PRKCA: variants seen among roughly 807,000 people sequenced by gnomAD.
PRKCA encodes protein kinase C alpha, also known as protein kinase C alpha type.
PRKCA carries 27 observed loss-of-function variants against 87.0 expected under a neutral mutation model. That is an observed-to-expected ratio of 0.31 (90% CI 0.23 to 0.43). The LOEUF (loss-of-function observed/expected upper bound fraction) is 0.43, where lower values mean the gene tolerates loss of function less well. Ranked by LOEUF, PRKCA falls within the 20% of genes least tolerant of loss-of-function variation. The pLI is 1.00. For missense variants in PRKCA, 518 were observed against 852.3 expected (o/e 0.61, Z 4.88); for synonymous variants, 329 against 311.1 (o/e 1.06, Z -0.61).
Position 66,408,674 on chromosome 17 carries a change from TAAG to T in PRKCA, c.206-87525_206-87523del, listed in dbSNP as rs554873406. ...CATTTCATTTTACCTTCACCAGTAA[TAAG>T]AGCAGAAAAAGAGGTCAGCAACAAA... On this transcript the variant is annotated intron_variant, in intron 2 of 16. Transcript: ENST00000413366. Among the ~76,000 whole-genome samples, 16 of 152,274 alleles carry T rather than the reference TAAG, an allele frequency of 1.1e-4. No homozygotes were observed. In the South Asian group the frequency reaches 3.3e-3, roughly 32 times the overall value.
intron 8 of PRKCA, among the ~76,000 whole-genome samples, chr17:66,715,696 T>C: frequency 6.6e-6 from 1 of 152,236 alleles, no homozygotes; most frequent in East Asian, 1.9e-4. Context: ...TCCTGGCACT[T>C]ACGTGAGTGA....
chr17:66,542,544 G>A (rs1968019197), intron 3 of PRKCA, among the ~76,000 whole-genome samples: 2 of 152,026 alleles, frequency 1.3e-5, no homozygotes, highest in South Asian at 4.2e-4. Context: ...ATAAGACTTG[G>A]GTGAGGAGAC....
intron 3 of PRKCA, among the ~76,000 whole-genome samples, chr17:66,578,888 C>T (rs901701064): frequency 6.6e-6 from 1 of 152,242 alleles, no homozygotes; most frequent in Non-Finnish European, 1.5e-5. Flanking sequence ...CTGTTTCGAC[C>T]TGTGGGTGGC....
At chr17:66,453,927 G>A (rs370811090) in intron 2 of PRKCA, among the ~76,000 whole-genome samples, 1 of 152,168 alleles carries the variant, frequency 6.6e-6, no homozygotes, top group African/African-American at 2.4e-5. Flanking sequence ...TATGATTTCT[G>A]TGTATTTGGG....
At chr17:66,487,785 C>T (rs1462659424) in intron 2 of PRKCA, among the ~76,000 whole-genome samples, 8 of 152,080 alleles carry the variant, frequency 5.3e-5, no homozygotes, top group Non-Finnish European at 1.5e-5. Context: ...AACATTTTTT[C>T]TCCTACCTGT....
chr17:66,514,440 C>T (rs758321594), intron 3 of PRKCA, among the ~76,000 whole-genome samples: 3 of 152,134 alleles, frequency 2.0e-5, no homozygotes, highest in African/African-American at 7.2e-5. Context: ...CTGCTGCATG[C>T]TAAGTGTGTC....
intron 3 of PRKCA, among the ~76,000 whole-genome samples, chr17:66,605,366 A>G (rs777432158): frequency 9.9e-5 from 15 of 152,194 alleles, no homozygotes; most frequent in Non-Finnish European, 1.6e-4. Context: ...TGGTGGGAAT[A>G]CACCATATGT....
chr17:66,491,985 G>A (rs1226048434), intron 2 of PRKCA, among the ~76,000 whole-genome samples: 1 of 151,940 alleles, frequency 6.6e-6, no homozygotes, highest in Non-Finnish European at 1.5e-5. Flanking sequence ...GGGGAGGAGA[G>A]GGGGCATCTA....
At chr17:66,434,005 C>T (rs529785831) in intron 2 of PRKCA, among the ~76,000 whole-genome samples, 316 of 152,184 alleles carry the variant, frequency 2.1e-3, no homozygotes, top group African/African-American at 6.2e-3. Flanking sequence ...GTAGGGCGCA[C>T]GGAGGTGAAT....
chr17:66,389,042 G>GGAACATCGTGATTCTGTTTAA (rs1910218574), intron 2 of PRKCA, among the ~76,000 whole-genome samples: 1 of 152,096 alleles, frequency 6.6e-6, no homozygotes. Flanking sequence ...ACCCTTGATG[G>GGAACATCGTGATTCTGTTTAA]GAACATCGTG....
intron 3 of PRKCA, among the ~76,000 whole-genome samples, chr17:66,566,548 G>A (rs1426258450): frequency 1.5e-5 from 2 of 132,850 alleles, no homozygotes; most frequent in Non-Finnish European, 3.1e-5. Context: ...ATGCCCTCCT[G>A]AATGTTGTAT....
At chr17:66,697,760 G>C (rs181486456) in intron 8 of PRKCA, among the ~76,000 whole-genome samples, 8 of 152,250 alleles carry the variant, frequency 5.3e-5, no homozygotes, top group African/African-American at 1.9e-4. Context: ...AGCTGCTTGA[G>C]ACACCTCATC....
chr17:66,592,902 C>G (rs1969854058), intron 3 of PRKCA, among the ~76,000 whole-genome samples: 1 of 152,226 alleles, frequency 6.6e-6, no homozygotes, highest in African/African-American at 2.4e-5. Flanking sequence ...AAGCGATTCT[C>G]CTGCCTCAGC....
At position 66,342,858 on chromosome 17, in the gene PRKCA, G is replaced by A. The variant is rs572084906; in HGVS notation, c.205+36731G>A. Among the ~76,000 whole-genome samples, 121 of 152,206 alleles carry A rather than the reference G, an allele frequency of 7.9e-4. 1 individual carries two copies. Among genetic ancestry groups the A allele is most frequent in the Admixed American group, 5.4e-3 (82 of 15,300 alleles). On this transcript the variant is annotated intron_variant, in intron 2 of 16. Transcript: ENST00000413366. The stretch of plus-strand genomic sequence containing the variant: ...ATATCAGAAGTGAAAATAGCATGTG[G>A]AACATGTTCCCATTTTCATAAAGAT...
intron 16 of PRKCA, among the ~76,000 whole-genome samples, chr17:66,799,412 G>A (rs1279643740): frequency 3.4e-4 from 3 of 8,850 alleles, no homozygotes; most frequent in African/African-American, 3.3e-4. Context: ...GATGGTGGTG[G>A]TGGTGGTGGT....
At chr17:66,544,022 G>A (rs550315842) in intron 3 of PRKCA, among the ~76,000 whole-genome samples, 25 of 152,280 alleles carry the variant, frequency 1.6e-4, no homozygotes, top group African/African-American at 5.5e-4. Flanking sequence ...GACCAGCCTG[G>A]CCGACTTGGT....
At chr17:66,793,255 G>T (rs1975582435) in intron 16 of PRKCA, among the ~76,000 whole-genome samples, 1 of 152,114 alleles carries the variant, frequency 6.6e-6, no homozygotes, top group Non-Finnish European at 1.5e-5. Context: ...AGGGCCATCA[G>T]TTCAGCCTGA....
intron 3 of PRKCA, among the ~76,000 whole-genome samples, chr17:66,623,034 T>C (rs758406453): frequency 1.2e-4 from 19 of 152,234 alleles, no homozygotes; most frequent in Non-Finnish European, 2.4e-4. Context: ...CTTATTTAGT[T>C]TTTTCTCCCA....
chr17:66,521,641 G>C (rs549911673), intron 3 of PRKCA, among the ~76,000 whole-genome samples: 1 of 152,260 alleles, frequency 6.6e-6, no homozygotes, highest in South Asian at 2.1e-4. Flanking sequence ...TCTGGCTGGA[G>C]CTGGATTCTT....
Sources: gnomAD v4.1 joint callset for allele counts (sites outside exome capture counted in the v4.1 genomes callset) on GRCh38, gnomAD v4.1.1 for gene constraint, MANE v1.5 for transcripts, NCBI Gene and HGNC (gene_info 2026-07-23, HGNC 2026-07-21) for gene names.